The following HAGH variants were observed in gnomAD, a reference collection of about 807,000 sequenced individuals.
HAGH encodes the protein hydroxyacylglutathione hydrolase, mitochondrial.
HAGH carries 29 observed loss-of-function variants against 35.1 expected under a neutral mutation model. That is an observed-to-expected ratio of 0.83 (90% CI 0.62 to 1.13). The LOEUF is 1.13. HAGH is among the 50% of genes most tolerant of loss of function. The pLI is 0.00. For synonymous variants in HAGH, 225 were observed against 176.1 expected (o/e 1.28, Z -2.20); for missense variants, 478 against 419.6 (o/e 1.14, Z -1.22).
At chr16:1,812,806 CCCTGCAGGAGGCGG>C (rs1897717385) in intron 7 of HAGH, among the ~76,000 whole-genome samples, 2 of 152,214 alleles carry the variant, frequency 1.3e-5, no homozygotes, top group Admixed American at 6.5e-5. Context: ...ATGGGAGGCG[CCCTGCAGGAGGCGG>C]CCTCTCACCA....
chr16:1,822,300 C>A lies in HAGH; in HGVS notation c.314G>T (p.Trp105Leu). Residue 105 changes from tryptophan to leucine, a missense_variant and splice_region_variant, in exon 3 of 9, where the codon TGG (tryptophan) becomes TTG (leucine). Coordinates refer to ENST00000397356, the MANE Select transcript of HAGH (RefSeq NM_005326.6). ...CCCCCAGGTGAGACGCGGCACTTAC[C>A]AGTGGTGGTGGGTGGTGAGCACTGT... The part of the protein sequence containing the change: ...LTTVLTTHHH[W>L]DHAGGNEKLV... 6.2e-7 allele frequency: 1 copy of A among 1,605,500 alleles called. No individual in the cohort carries two copies. The highest frequency in any genetic ancestry group is 2.2e-5 in the East Asian group (1 of 44,836).
chr16:1,817,026 G>A (rs1339961378), intron 6 of HAGH, 32 bp from the exon 7 acceptor site: 7 of 1,494,314 alleles, frequency 4.7e-6, no homozygotes, highest in Non-Finnish European at 6.5e-6. Flanking sequence ...GAGCTCGGAA[G>A]GCTGTTACCA....
rs11641257 is a variant in HAGH at position 1,822,751 on chromosome 16, T to C, written c.249+114A>G. The C allele has an allele frequency of 0.066, 58,133 of 874,222 alleles. 2,191 individuals are homozygous for C. The highest frequency in any genetic ancestry group is 0.12 in the East Asian group (4,851 of 41,094). 54.2% of individuals were successfully genotyped at this position (874,222 alleles called of 1,614,324 possible). A position where few individuals can be genotyped will look rare whatever the true frequency, so the allele number is the denominator to read the frequency against. On this transcript the variant is annotated intron_variant, in intron 2 of 8. Coordinates refer to ENST00000397356, the MANE Select transcript of HAGH (RefSeq NM_005326.6). Reference sequence around the variant, plus strand: ...TGTTAACAGAGTGGCCGGAGACTAATTTCCATTTAGCTTAGGCAAAGTTGC... The same window carrying C: ...TGTTAACAGAGTGGCCGGAGACTAACTTCCATTTAGCTTAGGCAAAGTTGC...
At chr16:1,818,639 A>C (rs1269345522) in intron 5 of HAGH, 1 of 156,504 alleles carries the variant, frequency 6.4e-6, no homozygotes, top group Non-Finnish European at 1.4e-5. Flanking sequence ...ACCGCCTTAG[A>C]AGGCCGCAGC....
intron 4 of HAGH, among the ~76,000 whole-genome samples, chr16:1,819,513 T>C (rs1266458934): frequency 6.6e-6 from 1 of 152,206 alleles, no homozygotes; most frequent in Non-Finnish European, 1.5e-5. Context: ...AAAGACGGCT[T>C]TCCTTCCCAC....
Position 1,822,899 on chromosome 16 carries a change from T to C in HAGH, c.215A>G (p.Glu72Gly), listed in dbSNP as rs763216143. ...MYLVIDDETKEAAIVDPVQPQ... is the reference protein window; with the variant it reads ...MYLVIDDETKGAAIVDPVQPQ... ...CTGCACCGGATCCACAATGGCAGCC[T>C]CCTTGGTCTCATCATCAATGACCAG... The change falls in exon 2 of 9, where the codon GAG becomes GGG. Residue 72 changes from glutamate to glycine, a missense_variant. By Grantham distance (98) the Glu-to-Gly change is moderately conservative (BLOSUM62 -2). Coordinates refer to ENST00000397356, the MANE Select transcript of HAGH (RefSeq NM_005326.6). 5 of 1,613,854 alleles carry C rather than the reference T, an allele frequency of 3.1e-6. No individual in the cohort carries two copies. In the East Asian group the frequency reaches 1.1e-4, roughly 36 times the overall value.
At chr16:1,814,731 T>G (rs549823944) in intron 7 of HAGH, among the ~76,000 whole-genome samples, 17 of 151,704 alleles carry the variant, frequency 1.1e-4, no homozygotes, top group African/African-American at 4.1e-4. Context: ...AACCCATCTC[T>G]ACTAAAAATA....
chr16:1,810,310 C>G (rs1043516489), intron 7 of HAGH: 4 of 162,674 alleles, frequency 2.5e-5, no homozygotes, highest in Non-Finnish European at 5.4e-5. Flanking sequence ...TCCGCCTTCC[C>G]GCACCGGCCT....
In HAGH at chr16:1,814,995, A is replaced by C. The variant is rs185225846; in HGVS notation, c.747+1898T>G. On this transcript the variant is annotated intron_variant, in intron 7 of 8. Coordinates refer to ENST00000397356, the MANE Select transcript of HAGH (RefSeq NM_005326.6). ...TCTCACAAAGACTTGTTTCCAGATG[A>C]TATAAGGAACTCTTACAAGAGCAGC... Among the ~76,000 whole-genome samples the C allele has an allele frequency of 7.3e-3, 1,103 of 152,096 alleles. 7 individuals are homozygous for C. The highest frequency in any genetic ancestry group is 0.011 in the Non-Finnish European group (766 of 68,004).
intron 8 of HAGH, 142 bp downstream of exon 8, chr16:1,809,612 T>C (rs899627748): frequency 9.5e-6 from 7 of 733,140 alleles, no homozygotes; most frequent in African/African-American, 1.7e-5. Flanking sequence ...TCAAGAAGAG[T>C]GCTCGGGCTC....
At chr16:1,827,144 G>A (rs1426578852), upstream of HAGH, 5 of 1,496,516 alleles carry the variant, frequency 3.3e-6, no homozygotes, top group East Asian at 4.6e-5. Context: ...CGCTGCGGGG[G>A]ACAGCGTTCC....
intron 7 of HAGH, among the ~76,000 whole-genome samples, chr16:1,814,823 G>C (rs558168164): frequency 2.6e-5 from 4 of 151,516 alleles, no homozygotes; most frequent in Non-Finnish European, 5.9e-5. Flanking sequence ...GCTTGAACCC[G>C]GGAGGCAGAG....
chr16:1,822,847 A>C lies in HAGH; in HGVS notation c.249+18T>G, dbSNP rs1163779346. On this transcript the variant is annotated intron_variant, in intron 2 of 8. Coordinates refer to ENST00000397356, the MANE Select transcript of HAGH (RefSeq NM_005326.6). ...CTGGGTGACCAGGGCAGGGAGAGCC[A>C]GGCACAGCCATGCGCACCTTCTGGG... The C allele has an allele frequency of 6.2e-7, 1 of 1,607,178 alleles. No homozygotes were observed. Among genetic ancestry groups the C allele is most frequent in the Admixed American group, 1.7e-5 (1 of 59,934 alleles).
chr16:1,822,142 G>C (rs142325265), intron 3 of HAGH, 158 bp downstream of exon 3: 101 of 622,414 alleles, frequency 1.6e-4, no homozygotes, highest in Non-Finnish European at 2.6e-4. Flanking sequence ...GCCCCTTGGG[G>C]GCTACGGTGA....
chr16:1,822,273 C>T (rs1293267303), intron 3 of HAGH, 27 bp downstream of exon 3: 8 of 1,530,474 alleles, frequency 5.2e-6, no homozygotes, highest in African/African-American at 1.4e-5. Flanking sequence ...CCAGGTCCCA[C>T]ACCCCCAGGT....
intron 7 of HAGH, among the ~76,000 whole-genome samples, chr16:1,811,306 G>A (rs1006146586): frequency 2.6e-5 from 4 of 152,060 alleles, no homozygotes; most frequent in Non-Finnish European, 5.9e-5. Context: ...CCCAGCTACT[G>A]GAGAAGCTGA....
At chr16:1,812,028 C>T (rs1338735229) in intron 7 of HAGH, among the ~76,000 whole-genome samples, 1 of 151,580 alleles carries the variant, frequency 6.6e-6, no homozygotes, top group Non-Finnish European at 1.5e-5. Flanking sequence ...CCCCTCTCTA[C>T]CAAAAATACA....
intron 7 of HAGH, among the ~76,000 whole-genome samples, chr16:1,815,437 T>C (rs1174705920): frequency 2.0e-5 from 3 of 152,186 alleles, no homozygotes; most frequent in Admixed American, 1.3e-4. Context: ...CATAAACAAA[T>C]TGTAGCATTT....
At chr16:1,811,876 A>G (rs1387203269) in intron 7 of HAGH, among the ~76,000 whole-genome samples, 1 of 151,820 alleles carries the variant, frequency 6.6e-6, no homozygotes, top group Non-Finnish European at 1.5e-5. Context: ...CACCCACGCA[A>G]TAGTATATTT....
Sources: allele counts gnomAD v4.1 joint callset (sites outside exome capture counted in the v4.1 genomes callset), GRCh38; gene constraint gnomAD v4.1.1; transcripts MANE v1.5; gene names NCBI Gene and HGNC (gene_info 2026-07-23, HGNC 2026-07-21).